The following DLGAP1 variants were observed in gnomAD, a reference collection of about 807,000 sequenced individuals.
DLGAP1 encodes the protein DLG associated protein 1, also known as disks large-associated protein 1.
In DLGAP1, 11 loss-of-function variants were observed where a neutral mutation model predicts 90.8. The observed-to-expected ratio is 0.12, with a 90% CI of 0.08 to 0.20. The LOEUF is 0.20. Ranked by LOEUF, DLGAP1 falls within the 10% of genes least tolerant of loss-of-function variation. DLGAP1 has a pLI of 1.00. For synonymous variants in DLGAP1, 558 were observed against 540.7 expected (o/e 1.03, Z -0.44); for missense variants, 1,050 against 1,333.8 (o/e 0.79, Z 3.31).
At chr18:3,664,570 T>C (rs1051500873) in intron 7 of DLGAP1, among the ~76,000 whole-genome samples, 7 of 152,160 alleles carry the variant, frequency 4.6e-5, no homozygotes, top group Admixed American at 1.3e-4. Flanking sequence ...CTTTGACTCT[T>C]AGCTAATGAG....
chr18:3,600,989 T>TATATAGATAGATATATAG (rs1568280005), intron 7 of DLGAP1, among the ~76,000 whole-genome samples: 2 of 50,692 alleles, frequency 3.9e-5, no homozygotes, highest in Non-Finnish European at 5.3e-5. Flanking sequence ...TAGATATAGA[T>TATATAGATAGATATATAG]ATATAGATAT....
chr18:3,968,516 T>C (rs571286128), intron 3 of DLGAP1, among the ~76,000 whole-genome samples: 1 of 152,314 alleles, frequency 6.6e-6, no homozygotes, highest in Non-Finnish European at 1.5e-5. Flanking sequence ...AAACATATTT[T>C]GTGCAATCTC....
intron 1 of DLGAP1, among the ~76,000 whole-genome samples, chr18:4,298,808 G>A (rs1280567955): frequency 1.3e-5 from 2 of 151,880 alleles, no homozygotes; most frequent in East Asian, 1.9e-4. Flanking sequence ...TTGGCCTGGC[G>A]CAGTGGCTCA....
At chr18:3,604,243 C>G (rs571636491) in intron 7 of DLGAP1, 14 of 152,360 alleles carry the variant, frequency 9.2e-5, no homozygotes, top group African/African-American at 3.4e-4. Flanking sequence ...TGTCTGTTCC[C>G]TCGGGGATTT....
intron 7 of DLGAP1, among the ~76,000 whole-genome samples, chr18:3,672,114 AAAT>A (rs1184958382): frequency 6.6e-6 from 1 of 152,178 alleles, no homozygotes; most frequent in East Asian, 1.9e-4. Flanking sequence ...TAATCATTGA[AAAT>A]AAGTTATGAA....
At chr18:3,547,061 A>G (rs1236423) in intron 9 of DLGAP1, among the ~76,000 whole-genome samples, 1 of 151,962 alleles carries the variant, frequency 6.6e-6, no homozygotes, top group African/African-American at 2.4e-5. Flanking sequence ...CAGCACTTTG[A>G]GAGGCCGTGG....
intron 3 of DLGAP1, among the ~76,000 whole-genome samples, chr18:3,903,217 T>A (rs896430837): frequency 5.9e-5 from 9 of 152,128 alleles, no homozygotes; most frequent in African/African-American, 2.2e-4. Context: ...GAAAAATCAA[T>A]GACCTGCTTA....
intron 1 of DLGAP1, among the ~76,000 whole-genome samples, chr18:4,219,027 G>GTTTTTTTTTT (rs34333673): frequency 5.4e-5 from 5 of 92,020 alleles, no homozygotes; most frequent in African/African-American, 8.8e-5. Flanking sequence ...TTCTATCTTT[G>GTTTTTTTTTT]TTTTTTTTTT....
At chr18:4,182,497 A>AT (rs920091992) in intron 1 of DLGAP1, among the ~76,000 whole-genome samples, 13 of 151,358 alleles carry the variant, frequency 8.6e-5, no homozygotes, top group Non-Finnish European at 1.6e-4. Context: ...TTTATTTTTT[A>AT]TTTTTTTTGT....
rs538418595 is a variant in DLGAP1, at chr18:4,388,776, C to T, written c.-267+66230G>A. ...ATAATTTTAACAATTATCTCATATA[C>T]GTATCAGGAAAGTAACAACCACAAT... On this transcript the variant is annotated intron_variant, in intron 1 of 12. Transcript: ENST00000315677. Among the ~76,000 whole-genome samples, 17 of 152,170 alleles carry T rather than the reference C, an allele frequency of 1.1e-4. 1 individual carries two copies. The South Asian group carries it at 3.1e-3, about 28-fold the overall frequency.
chr18:4,273,518 G>A (rs570697845), intron 1 of DLGAP1, among the ~76,000 whole-genome samples: 4 of 152,274 alleles, frequency 2.6e-5, no homozygotes, highest in Admixed American at 6.5e-5. Flanking sequence ...TCATAGTTCA[G>A]TGTAACTTCA....
intron 9 of DLGAP1, among the ~76,000 whole-genome samples, chr18:3,548,277 TAA>T (rs59094958): frequency 7.2e-4 from 109 of 151,410 alleles, no homozygotes; most frequent in East Asian, 2.3e-3. Flanking sequence ...ATAATTTTTC[TAA>T]AAAAAAATCA....
In DLGAP1 at chr18:3,517,315, T is replaced by G. The variant is rs770504094; in HGVS notation, c.2480-8654A>C. Among the ~76,000 whole-genome samples the G allele has an allele frequency of 6.6e-6, 1 of 152,214 alleles. No individual in the cohort carries two copies. The highest frequency in any genetic ancestry group is 2.4e-5 in the African/African-American group (1 of 41,458). ...CCAATAGAAGGCTGTTTTGTCTACA[T>G]TGAAAATCTGTTGTTTAGTGTAATC... On this transcript the variant is annotated intron_variant, in intron 10 of 12. Coordinates refer to ENST00000315677, the MANE Select transcript of DLGAP1 (RefSeq NM_004746.4). This position sits in a 1 kb window ranked among gnomAD's most constrained non-coding sequence, Gnocchi z 4.1.
intron 4 of DLGAP1, among the ~76,000 whole-genome samples, chr18:3,857,558 T>C (rs2069726973): frequency 6.6e-6 from 1 of 152,242 alleles, no homozygotes; most frequent in South Asian, 2.1e-4. Flanking sequence ...ATTCCTTGTC[T>C]GACTGGACCA....
chr18:4,332,348 GA>G (rs1177831264), intron 1 of DLGAP1, among the ~76,000 whole-genome samples: 1 of 151,694 alleles, frequency 6.6e-6, no homozygotes, highest in Admixed American at 6.6e-5. Flanking sequence ...TAAAATTATG[GA>G]TTTATTATTT....
At chr18:4,274,224 T>A (rs1238249727) in intron 1 of DLGAP1, among the ~76,000 whole-genome samples, 1 of 152,156 alleles carries the variant, frequency 6.6e-6, no homozygotes, top group Non-Finnish European at 1.5e-5. Flanking sequence ...TTTTCAGTCA[T>A]CTCAAAGTGT....
intron 7 of DLGAP1, among the ~76,000 whole-genome samples, chr18:3,710,145 T>C (rs1021139990): frequency 1.3e-5 from 2 of 152,294 alleles, no homozygotes; most frequent in South Asian, 4.1e-4. Flanking sequence ...CAGTGGGCTC[T>C]CTCCATAAAT....
intron 5 of DLGAP1, among the ~76,000 whole-genome samples, chr18:3,770,420 A>G (rs532847908): frequency 1.3e-5 from 2 of 152,196 alleles, no homozygotes; most frequent in African/African-American, 4.8e-5. Context: ...GCTACTGCAA[A>G]CTCCTAATAG....
intron 5 of DLGAP1, among the ~76,000 whole-genome samples, chr18:3,791,515 C>T (rs925746576): frequency 2.3e-4 from 35 of 150,372 alleles, no homozygotes; most frequent in African/African-American, 8.0e-4. Flanking sequence ...TGCACATGTG[C>T]GTGTGTGTGT....
Sources: gnomAD v4.1 joint callset for allele counts (sites outside exome capture counted in the v4.1 genomes callset) on GRCh38, gnomAD v4.1.1 for gene constraint, Gnocchi (gnomAD v3.1) non-coding constraint, MANE v1.5 for transcripts, NCBI Gene and HGNC (gene_info 2026-07-23, HGNC 2026-07-21) for gene names.